Variants in CDH12 observed in about 807,000 individuals in gnomAD.
The protein encoded by CDH12 is cadherin-12.
CDH12 carries 41 observed loss-of-function variants against 74.1 expected under a neutral mutation model. The ratio of observed to expected loss-of-function variants is 0.55; its 90% CI spans 0.43 to 0.72. The LOEUF (loss-of-function observed/expected upper bound fraction) is 0.72, where lower values mean the gene tolerates loss of function less well. CDH12 is among the 30% of genes least tolerant of loss of function. The pLI, the probability that CDH12 is intolerant of heterozygous loss-of-function variation, is 0.00. For synonymous variants in CDH12, 399 were observed against 355.0 expected (o/e 1.12, Z -1.39); for missense variants, 945 against 977.2 (o/e 0.97, Z 0.44).
chr5:21,959,455 A>G (rs1260971708), intron 6 of CDH12, among the ~76,000 whole-genome samples: 1 of 152,120 alleles, frequency 6.6e-6, no homozygotes, highest in South Asian at 2.1e-4. Context: ...GCAAGACTCA[A>G]TGGTATGCTG....
rs145343345 is a variant in CDH12, at chr5:22,721,033, G to C, written c.-523+132025C>G. Among the ~76,000 whole-genome samples, 13 of 152,338 alleles carry C rather than the reference G, an allele frequency of 8.5e-5. No homozygotes were observed. The East Asian group carries it at 1.7e-3, about 20-fold the overall frequency. On this transcript the variant is annotated intron_variant, in intron 1 of 14. Coordinates refer to ENST00000382254, the MANE Select transcript of CDH12 (RefSeq NM_004061.5). ...AAGTTTGCATAAGTAACAAGGAACT[G>C]AATGTTAATAGCCAAGACAATGGGG...
At chr5:22,593,967 T>C (rs2126803150) in intron 1 of CDH12, among the ~76,000 whole-genome samples, 1 of 152,322 alleles carries the variant, frequency 6.6e-6, no homozygotes, top group East Asian at 1.9e-4. Flanking sequence ...ATTTACTATT[T>C]GCCTTATTAA....
rs553554527 is a variant in CDH12 at position 22,189,898 on chromosome 5, T to C, written c.-187+22600A>G. 3.0e-4 allele frequency among the ~76,000 whole-genome samples: 45 copies of C among 152,220 alleles called. No individual in the cohort carries two copies. In the East Asian group the frequency reaches 3.5e-3, roughly 12 times the overall value. The stretch of plus-strand genomic sequence containing the variant: ...GTGGGCTGCATTTTGTTGTGACTCC[T>C]GTGTGCTTTTCTAAGACGTGTTTGC... On this transcript the variant is annotated intron_variant, in intron 4 of 14. Transcript: ENST00000382254.
At chr5:22,593,036 GAAAAAA>G (rs11420428) in intron 1 of CDH12, among the ~76,000 whole-genome samples, 2 of 110,488 alleles carry the variant, frequency 1.8e-5, no homozygotes, top group African/African-American at 3.4e-5. Context: ...TCTCAAAAAA[GAAAAAA>G]AAAAAAAAAA....
intron 3 of CDH12, among the ~76,000 whole-genome samples, chr5:22,320,681 C>T (rs1285247639): frequency 6.6e-6 from 1 of 152,206 alleles, no homozygotes; most frequent in Non-Finnish European, 1.5e-5. Flanking sequence ...AAACATTTCA[C>T]ATGAGATCGT....
intron 11 of CDH12, among the ~76,000 whole-genome samples, chr5:21,770,540 C>T (rs948929611): frequency 1.3e-5 from 2 of 151,694 alleles, no homozygotes; most frequent in African/African-American, 2.4e-5. Flanking sequence ...ATCTCTTGAA[C>T]CCGAGAGGTG....
At chr5:22,566,601 A>C (rs1000132656) in intron 1 of CDH12, among the ~76,000 whole-genome samples, 1 of 152,128 alleles carries the variant, frequency 6.6e-6, no homozygotes, top group African/African-American at 2.4e-5. Flanking sequence ...ATAAACAATG[A>C]ATGAATCTTC....
intron 6 of CDH12, among the ~76,000 whole-genome samples, chr5:21,967,928 A>G (rs1756660162): frequency 6.6e-6 from 1 of 152,194 alleles, no homozygotes; most frequent in South Asian, 2.1e-4. Flanking sequence ...CAGATTGTGA[A>G]GCACAAGTGG....
Position 22,078,756 on chromosome 5 carries a change from T to C in CDH12, c.-80A>G. 1.3e-6 allele frequency: 2 copies of C among 1,549,706 alleles called. No homozygotes were observed. The highest frequency in any genetic ancestry group is 1.7e-6 in the Non-Finnish European group (2 of 1,150,726). On this transcript the variant is annotated 5_prime_UTR_variant, in exon 5 of 15. Transcript: ENST00000382254. ...TTGTGGAATCCAGGTTTGAGGTGTCTGTGGCCTCCACCACTTAGCTTCTTG... is the reference window on the plus strand; with the variant it reads ...TTGTGGAATCCAGGTTTGAGGTGTCCGTGGCCTCCACCACTTAGCTTCTTG...
At chr5:22,116,923 C>T (rs1745151797) in intron 4 of CDH12, among the ~76,000 whole-genome samples, 1 of 144,790 alleles carries the variant, frequency 6.9e-6, no homozygotes, top group Non-Finnish European at 1.5e-5. Context: ...TACTGGTTTC[C>T]AAGTACCTTG....
At chr5:22,713,010 A>G (rs1341840159) in intron 1 of CDH12, among the ~76,000 whole-genome samples, 2 of 152,046 alleles carry the variant, frequency 1.3e-5, no homozygotes, top group African/African-American at 2.4e-5. Context: ...GCATGTATAC[A>G]CCAGGAAACT....
chr5:22,760,695 A>C (rs1281636561), intron 1 of CDH12, among the ~76,000 whole-genome samples: 3 of 151,080 alleles, frequency 2.0e-5, no homozygotes, highest in Non-Finnish European at 2.9e-5. Context: ...AAAAAAAAAA[A>C]AAAAACAAAA....
chr5:22,570,672 AATTTGAAATGAT>A (rs59112314), intron 1 of CDH12, among the ~76,000 whole-genome samples: 22,183 of 152,122 alleles, frequency 0.15, 1,639 homozygotes, highest in Middle Eastern at 0.21. Context: ...CTTAAGGGTG[AATTTGAAATGAT>A]ATTTGAAATG....
chr5:22,408,888 G>T (rs1316479539), intron 2 of CDH12, among the ~76,000 whole-genome samples: 2 of 151,784 alleles, frequency 1.3e-5, no homozygotes, highest in African/African-American at 4.8e-5. Context: ...ATAATTAAGT[G>T]AATTTTTTGC....
At chr5:22,151,105 C>T (rs1179660838) in intron 4 of CDH12, among the ~76,000 whole-genome samples, 1 of 152,130 alleles carries the variant, frequency 6.6e-6, no homozygotes, top group African/African-American at 2.4e-5. Context: ...TTTAATTCTA[C>T]CTGCCATGAG....
At chr5:22,614,996 G>A (rs906813606) in intron 1 of CDH12, among the ~76,000 whole-genome samples, 16 of 151,882 alleles carry the variant, frequency 1.1e-4, no homozygotes, top group East Asian at 9.8e-4. Flanking sequence ...AGAGTGTGTC[G>A]GTGTAAGATT....
intron 4 of CDH12, among the ~76,000 whole-genome samples, chr5:22,170,115 T>C (rs1240100882): frequency 1.3e-5 from 2 of 151,876 alleles, no homozygotes; most frequent in African/African-American, 4.8e-5. Flanking sequence ...ATAACACACC[T>C]ACAAAGGCAG....
At chr5:22,423,269 C>T (rs1227215978) in intron 2 of CDH12, among the ~76,000 whole-genome samples, 2 of 150,756 alleles carry the variant, frequency 1.3e-5, no homozygotes, top group Non-Finnish European at 2.9e-5. Context: ...TTTATTTGGG[C>T]CCCCTTAAAA....
At chr5:22,714,768 G>A (rs1743483325) in intron 1 of CDH12, among the ~76,000 whole-genome samples, 2 of 152,164 alleles carry the variant, frequency 1.3e-5, no homozygotes, top group Admixed American at 1.3e-4. Flanking sequence ...GTTTAGTTCA[G>A]AAAACCTGTT....
Sources: allele counts gnomAD v4.1 joint callset (sites outside exome capture counted in the v4.1 genomes callset), GRCh38; gene constraint gnomAD v4.1.1; transcripts MANE v1.5; gene names NCBI Gene and HGNC (gene_info 2026-07-23, HGNC 2026-07-21).